SNX27: variants seen among roughly 807,000 people sequenced by gnomAD.
SNX27 encodes sorting nexin 27.
A neutral mutation model predicts 71.6 loss-of-function variants in SNX27; 22 were observed. The observed-to-expected ratio is 0.31, with a 90% CI of 0.22 to 0.44. The LOEUF (loss-of-function observed/expected upper bound fraction) is 0.44. SNX27 is among the 20% of genes least tolerant of loss of function. The pLI is 1.00. For synonymous variants in SNX27, 269 were observed against 277.2 expected (o/e 0.97, Z 0.29); for missense variants, 531 against 698.6 (o/e 0.76, Z 2.70).
chr1:151,634,824 C>G (rs558414576), intron 1 of SNX27, among the ~76,000 whole-genome samples: 1 of 152,214 alleles, frequency 6.6e-6, no homozygotes, highest in African/African-American at 2.4e-5. Context: ...ATACCTATCA[C>G]CTAGATTCTA....
In SNX27 at chr1:151,662,146, C is replaced by A. The variant is rs757189026; in HGVS notation, c.802-20C>A. 10 of 1,572,012 alleles carry A rather than the reference C, an allele frequency of 6.4e-6. No individual in the cohort carries two copies. The highest frequency in any genetic ancestry group is 8.7e-6 in the Non-Finnish European group (10 of 1,142,924). On this transcript the variant is annotated intron_variant, in intron 4 of 11. Coordinates refer to ENST00000458013, the MANE Select transcript of SNX27 (RefSeq NM_001330723.2). ...AGATATACTGGGCCATAAATTATTT[C>A]TCTATGTCTTTTCCCCCAGAACTAC... is the stretch of plus-strand genomic sequence containing the variant.
chr1:151,637,049 T>C (rs1377741191), intron 1 of SNX27, among the ~76,000 whole-genome samples: 1 of 152,172 alleles, frequency 6.6e-6, no homozygotes, highest in African/African-American at 2.4e-5. Context: ...TCAAGACCAA[T>C]TCTGGTACTA....
chr1:151,638,139 A>G (rs747920926), intron 1 of SNX27, among the ~76,000 whole-genome samples: 10 of 152,210 alleles, frequency 6.6e-5, no homozygotes, highest in Non-Finnish European at 1.3e-4. Context: ...CAGGAAGGAA[A>G]ATTAGTAGGC....
At chr1:151,639,945 C>G (rs1415471268) in intron 2 of SNX27, among the ~76,000 whole-genome samples, 1 of 152,150 alleles carries the variant, frequency 6.6e-6, no homozygotes, top group African/African-American at 2.4e-5. Flanking sequence ...GGCAAACAGA[C>G]TACAGGTTTT....
intron 7 of SNX27, chr1:151,679,806 G>A (rs1435662847): frequency 3.3e-5 from 5 of 152,166 alleles, no homozygotes; most frequent in East Asian, 1.9e-4. Context: ...GGAAGAGGAA[G>A]TGGGAGTGTT....
At chr1:151,692,609 G>A in intron 9 of SNX27, 25 bp downstream of exon 9, 2 of 1,602,524 alleles carry the variant, frequency 1.2e-6, no homozygotes, top group East Asian at 4.5e-5. Context: ...TAGGGCTCTG[G>A]CTGCGAGGAC....
chr1:151,663,954 C>G (rs1464278952), intron 5 of SNX27, among the ~76,000 whole-genome samples: 1 of 151,876 alleles, frequency 6.6e-6, no homozygotes, highest in Non-Finnish European at 1.5e-5. Flanking sequence ...AGCTAGAATT[C>G]TTCTGAAAAT....
chr1:151,696,522 GTTC>G lies in SNX27; in HGVS notation c.*2108_*2110del, dbSNP rs1195369325. 2.9e-5 allele frequency: 3 copies of G among 102,306 alleles called. No individual in the cohort carries two copies. The highest frequency in any genetic ancestry group is 6.9e-5 in the Non-Finnish European group (3 of 43,530). 6.3% of individuals were successfully genotyped at this position (102,306 alleles called of 1,614,324 possible). ...CTTTCTTTCGTTCTTTCGTTCTTTC[GTTC>G]TTTCTTTCTTTCTTTCTTTCTCTTT... On this transcript the variant is annotated 3_prime_UTR_variant, in exon 12 of 12. Coordinates refer to ENST00000458013, the MANE Select transcript of SNX27 (RefSeq NM_001330723.2).
intron 1 of SNX27, among the ~76,000 whole-genome samples, chr1:151,632,283 A>G (rs1048888601): frequency 1.3e-5 from 2 of 151,484 alleles, no homozygotes; most frequent in African/African-American, 4.9e-5. Flanking sequence ...TCAGCCTTCC[A>G]AGTAGCTGGG....
chr1:151,684,242 C>T (rs1303666210), intron 8 of SNX27, among the ~76,000 whole-genome samples: 1 of 152,068 alleles, frequency 6.6e-6, no homozygotes, highest in African/African-American at 2.4e-5. Flanking sequence ...CTACTAGACT[C>T]ATGTAGGTAT....
chr1:151,636,494 G>A (rs574279425), intron 1 of SNX27, among the ~76,000 whole-genome samples: 3 of 151,724 alleles, frequency 2.0e-5, no homozygotes, highest in South Asian at 2.1e-4. Flanking sequence ...GTATAGAGAC[G>A]GGGTTTCACC....
intron 1 of SNX27, among the ~76,000 whole-genome samples, chr1:151,634,723 AT>A (rs1668395125): frequency 6.6e-6 from 1 of 152,130 alleles, no homozygotes; most frequent in Non-Finnish European, 1.5e-5. Flanking sequence ...GATTGTTGGA[AT>A]TTTTGGCCCC....
chr1:151,660,036 C>G (rs1302046240), intron 3 of SNX27: 2 of 152,086 alleles, frequency 1.3e-5, no homozygotes, highest in African/African-American at 2.4e-5. Context: ...CTGTTTTTAG[C>G]TTTTTCTAAC....
Position 151,692,515 on chromosome 1 carries a change from G to T in SNX27, c.1320G>T (p.Gly440=). Residue 440 remains glycine (G), a synonymous_variant, in exon 9 of 12, where the codon GGG becomes GGT. Coordinates refer to ENST00000458013, the MANE Select transcript of SNX27 (RefSeq NM_001330723.2). ...PHCACDSRRK[G]HVITAISITH... is the part of the protein sequence containing the mutation. ...GTGCCTGTGACTCCAGGAGGAAGGG[G>T]CACGTTATCACAGCCATCAGCATCA... 1 of 1,611,742 alleles carries T rather than the reference G, an allele frequency of 6.2e-7. No individual in the cohort carries two copies. The highest frequency in any genetic ancestry group is 8.5e-7 in the Non-Finnish European group (1 of 1,179,402).
rs1671893067 is a variant in SNX27, at chr1:151,698,573, C to G, written c.*4156C>G. 1 of 152,274 alleles carries G rather than the reference C, an allele frequency of 6.6e-6. No individual in the cohort carries two copies. The highest frequency in any genetic ancestry group is 6.5e-5 in the Admixed American group (1 of 15,282). 9.4% of individuals were successfully genotyped at this position (152,274 alleles called of 1,614,324 possible). A position where few individuals can be genotyped will look rare whatever the true frequency, so the allele number is the denominator to read the frequency against. On this transcript the variant is annotated 3_prime_UTR_variant, in exon 12 of 12. Coordinates refer to ENST00000458013, the MANE Select transcript of SNX27 (RefSeq NM_001330723.2). ...GAAGAGAGATAGTGGGTATGCTTCTCTAGCTCCCCATCTTCCAGGTCCACC... is the reference window on the plus strand; with the variant it reads ...GAAGAGAGATAGTGGGTATGCTTCTGTAGCTCCCCATCTTCCAGGTCCACC...
At chr1:151,641,964 GAT>G (rs35524324) in intron 2 of SNX27, among the ~76,000 whole-genome samples, 73,154 of 96,432 alleles carry the variant, frequency 0.76, 27,648 homozygotes, top group Non-Finnish European at 0.83. Flanking sequence ...ATATATATGA[GAT>G]ATATATATAT....
chr1:151,623,823 GA>G (rs940405079), intron 1 of SNX27, among the ~76,000 whole-genome samples: 1 of 149,298 alleles, frequency 6.7e-6, no homozygotes, highest in Non-Finnish European at 1.5e-5. Flanking sequence ...AGATAAAAAT[GA>G]AAAAAAAATC....
chr1:151,620,153 G>T (rs1376549502), intron 1 of SNX27, among the ~76,000 whole-genome samples: 1 of 152,208 alleles, frequency 6.6e-6, no homozygotes, highest in Non-Finnish European at 1.5e-5. Flanking sequence ...CTGTTTGTCT[G>T]TAGACATTTG....
intron 8 of SNX27, among the ~76,000 whole-genome samples, chr1:151,685,935 A>G (rs997783868): frequency 1.3e-5 from 2 of 152,224 alleles, no homozygotes; most frequent in East Asian, 1.9e-4. Context: ...GAATTTTGCT[A>G]TGTGTGAGAC....
Sources: gnomAD v4.1 joint callset for allele counts (sites outside exome capture counted in the v4.1 genomes callset) on GRCh38, gnomAD v4.1.1 for gene constraint, MANE v1.5 for transcripts, NCBI Gene and HGNC (gene_info 2026-07-23, HGNC 2026-07-21) for gene names.